Variants in REC114 observed in about 807,000 individuals in gnomAD.
The protein encoded by REC114 is meiotic recombination protein REC114.
A neutral mutation model predicts 31.3 loss-of-function variants in REC114; 27 were observed. The ratio of observed to expected loss-of-function variants is 0.86; its 90% confidence interval spans 0.64 to 1.19. The LOEUF is 1.19. Ranked by LOEUF, REC114 falls within the 50% of genes most tolerant of loss-of-function variation. REC114 has a pLI of 0.00. For missense variants in REC114, 344 were observed against 326.9 expected (o/e 1.05, Z -0.40); for synonymous variants, 134 against 127.7 (o/e 1.05, Z -0.33).
In REC114 at chr15:73,443,870, A is replaced by C. The variant is rs185081454; in HGVS notation, c.159+526A>C. 1.1e-4 allele frequency among the ~76,000 whole-genome samples: 17 copies of C among 152,294 alleles called. 1 individual carries two copies. The East Asian group carries it at 3.3e-3, about 29-fold the overall frequency. ...CTCTGTACCTTATTTACTTTGTCTT[A>C]AAATAGAGATAATAATATAATAGTA... On this transcript the variant is annotated intron_variant, in intron 1 of 5. Transcript: ENST00000331090.
At chr15:73,557,252 TAG>T (rs1894482784) in intron 5 of REC114, among the ~76,000 whole-genome samples, 1 of 151,468 alleles carries the variant, frequency 6.6e-6, no homozygotes, top group South Asian at 2.1e-4. Flanking sequence ...GTATTTTTAG[TAG>T]AGTCAGGATT....
rs751435678 is a variant in REC114 at position 73,540,539 on chromosome 15, G to T, written c.304G>T (p.Asp102Tyr). 6.2e-6 allele frequency: 10 copies of T among 1,613,920 alleles called. No homozygotes were observed. The highest frequency in any genetic ancestry group is 8.5e-6 in the Non-Finnish European group (10 of 1,179,826). ...KDWLKIVRRV[D>Y]CLLFGTTIKD... ...CTGGTTGAAGATTGTAAGACGCGTGGATTGTCTGTTGTTTGGAACAACGAT... is the reference window on the plus strand; with the variant it reads ...CTGGTTGAAGATTGTAAGACGCGTGTATTGTCTGTTGTTTGGAACAACGAT... The change falls in exon 3 of 6, where the codon GAT becomes TAT. Residue 102 changes from aspartate to tyrosine, a missense_variant. By Grantham distance (160) the Asp-to-Tyr change is radical (BLOSUM62 -3). Transcript: ENST00000331090.
At chr15:73,496,258 A>AGGAGAAATGCTTGAACCC (rs1893522063) in intron 2 of REC114, among the ~76,000 whole-genome samples, 1 of 148,452 alleles carries the variant, frequency 6.7e-6, no homozygotes, top group East Asian at 2.0e-4. Context: ...AGGCTGAAGC[A>AGGAGAAATGCTTGAACCC]GGAGAAATGC....
At chr15:73,474,083 C>T (rs749801538) in intron 2 of REC114, among the ~76,000 whole-genome samples, 162 bp downstream of exon 2, 4 of 152,120 alleles carry the variant, frequency 2.6e-5, no homozygotes, top group African/African-American at 4.8e-5. Flanking sequence ...AATACAGAAA[C>T]GTACTGAATA....
At chr15:73,555,111 A>C (rs572471028) in intron 4 of REC114, among the ~76,000 whole-genome samples, 95 of 152,118 alleles carry the variant, frequency 6.2e-4, no homozygotes, top group African/African-American at 2.2e-3. Context: ...TGATGCTTCC[A>C]GGTCTGGTTT....
At position 73,472,042 on chromosome 15, in the gene REC114, G is replaced by A. The variant is rs549202793; in HGVS notation, c.160-1790G>A. Among the ~76,000 whole-genome samples the A allele has an allele frequency of 2.6e-5, 4 of 152,208 alleles. No homozygotes were observed. The South Asian group carries it at 8.3e-4, about 32-fold the overall frequency. On this transcript the variant is annotated intron_variant, in intron 1 of 5. Transcript: ENST00000331090. ...TGGTAATGTTCTATTTCTTCATCTG[G>A]GTGATGTATTTGCTTTGTCATTGTT...
chr15:73,484,834 T>C (rs1893344596), intron 2 of REC114, among the ~76,000 whole-genome samples: 1 of 152,356 alleles, frequency 6.6e-6, no homozygotes, highest in Admixed American at 6.5e-5. Context: ...CTAGAAATGA[T>C]AGAGTTCAGC....
At chr15:73,529,380 C>T (rs1894046279) in intron 2 of REC114, among the ~76,000 whole-genome samples, 2 of 152,080 alleles carry the variant, frequency 1.3e-5, no homozygotes, top group African/African-American at 4.8e-5. Flanking sequence ...CCTCGTGGTC[C>T]ACCTGCCTCG....
At chr15:73,518,737 C>G (rs1343791485) in intron 2 of REC114, among the ~76,000 whole-genome samples, 1 of 152,092 alleles carries the variant, frequency 6.6e-6, no homozygotes, top group Non-Finnish European at 1.5e-5. Flanking sequence ...GCTATTTTAG[C>G]GGTAAAAAGA....
intron 2 of REC114, among the ~76,000 whole-genome samples, chr15:73,523,770 G>C (rs1442791756): frequency 6.6e-6 from 1 of 152,038 alleles, no homozygotes; most frequent in Admixed American, 6.6e-5. Flanking sequence ...TCTACCCCAG[G>C]GTGGCAAAGA....
chr15:73,526,638 A>G (rs1894012196), intron 2 of REC114, among the ~76,000 whole-genome samples: 3 of 152,184 alleles, frequency 2.0e-5, no homozygotes, highest in South Asian at 4.1e-4. Flanking sequence ...CATATAGAGC[A>G]TATTCATGAA....
intron 2 of REC114, among the ~76,000 whole-genome samples, chr15:73,502,043 C>T (rs1355904458): frequency 6.6e-6 from 1 of 151,976 alleles, no homozygotes; most frequent in Non-Finnish European, 1.5e-5. Flanking sequence ...GTAATCCCAG[C>T]ACTTTAGGAG....
chr15:73,486,875 A>G (rs1567866446), intron 2 of REC114, among the ~76,000 whole-genome samples: 1 of 152,172 alleles, frequency 6.6e-6, no homozygotes, highest in Non-Finnish European at 1.5e-5. Flanking sequence ...CATCTCTGCT[A>G]AGAATACAAA....
At chr15:73,515,467 T>C (rs1473158173) in intron 2 of REC114, among the ~76,000 whole-genome samples, 2 of 152,206 alleles carry the variant, frequency 1.3e-5, no homozygotes, top group African/African-American at 4.8e-5. Flanking sequence ...ACAACTCTTG[T>C]GGGCTTTTAG....
chr15:73,513,246 A>C (rs1316042717), intron 2 of REC114, among the ~76,000 whole-genome samples: 2 of 151,504 alleles, frequency 1.3e-5, no homozygotes, highest in Non-Finnish European at 2.9e-5. Flanking sequence ...TCGGCTCCTG[A>C]GGCTTCTGCA....
intron 2 of REC114, among the ~76,000 whole-genome samples, chr15:73,530,103 T>G (rs1894057583): frequency 6.6e-6 from 1 of 152,228 alleles, no homozygotes. Flanking sequence ...TAAAGTAAGT[T>G]ATAGAATGGG....
chr15:73,499,532 C>T (rs775498594), intron 2 of REC114, among the ~76,000 whole-genome samples: 19 of 152,136 alleles, frequency 1.2e-4, no homozygotes, highest in Non-Finnish European at 2.4e-4. Context: ...GTTTAGTCCT[C>T]ATTATCTCTT....
At chr15:73,524,408 A>G (rs1252063280) in intron 2 of REC114, among the ~76,000 whole-genome samples, 1 of 152,218 alleles carries the variant, frequency 6.6e-6, no homozygotes, top group Non-Finnish European at 1.5e-5. Context: ...GAGAAAATGA[A>G]TCTTGTTCAT....
At chr15:73,540,128 A>G (rs974860313) in intron 2 of REC114, among the ~76,000 whole-genome samples, 2 of 152,222 alleles carry the variant, frequency 1.3e-5, no homozygotes, top group African/African-American at 4.8e-5. Context: ...AATCAGTATA[A>G]TGGAACCCTT....
Sources: gnomAD v4.1 joint callset for allele counts (sites outside exome capture counted in the v4.1 genomes callset) on GRCh38, gnomAD v4.1.1 for gene constraint, MANE v1.5 for transcripts, NCBI Gene and HGNC (gene_info 2026-07-23, HGNC 2026-07-21) for gene names.